SCN3A: variants seen among roughly 807,000 people sequenced by gnomAD.
SCN3A encodes the protein sodium voltage-gated channel alpha subunit 3.
In SCN3A, 60 loss-of-function variants were observed where a neutral mutation model predicts 187.6. The observed-to-expected ratio is 0.32, with a 90% confidence interval of 0.26 to 0.40. The LOEUF (loss-of-function observed/expected upper bound fraction) is 0.40. SCN3A is among the 10% of genes least tolerant of loss of function. The pLI is 1.00. For synonymous variants in SCN3A, 788 were observed against 829.2 expected (o/e 0.95, Z 0.85); for missense variants, 1,601 against 2,428.2 (o/e 0.66, Z 7.16).
intron 21 of SCN3A, among the ~76,000 whole-genome samples, chr2:165,105,807 C>T (rs924327668): frequency 7.9e-5 from 12 of 151,628 alleles, no homozygotes; most frequent in African/African-American, 2.4e-4. Context: ...GAGGTTACAG[C>T]GAGCTATGAT....
chr2:165,133,925 T>C (rs1687508289), intron 15 of SCN3A, among the ~76,000 whole-genome samples: 2 of 152,132 alleles, frequency 1.3e-5, no homozygotes, highest in Admixed American at 6.5e-5. Context: ...GTAAAAACCA[T>C]ATTTTGTTTT....
rs1470528744 is a variant in SCN3A, at chr2:165,112,975, G to A, written c.3753C>T (p.Phe1251=). 1 of 1,613,020 alleles carries A rather than the reference G, an allele frequency of 6.2e-7. No individual in the cohort carries two copies. The highest frequency in any genetic ancestry group is 8.5e-7 in the Non-Finnish European group (1 of 1,179,338). Residue 1251 remains phenylalanine (F), a synonymous_variant, in exon 21 of 28, where the codon TTC becomes TTT. Coordinates refer to ENST00000283254, the MANE Select transcript of SCN3A (RefSeq NM_006922.4). ...CCCATTTGAGAAGCATTTCCAGAAT[G>A]AATATATAGGTAAAGACTTTGTCAG... is the stretch of plus-strand genomic sequence containing the variant. ...EYADKVFTYI[F]ILEMLLKWVA...
intron 9 of SCN3A, 116 bp downstream of exon 9, chr2:165,162,192 C>T: frequency 1.1e-6 from 1 of 943,640 alleles, no homozygotes; most frequent in Non-Finnish European, 1.7e-6. Flanking sequence ...GGGAGCAGCA[C>T]TGCTCTTTAT....
At chr2:165,127,506 C>A in intron 18 of SCN3A, 125 bp downstream of exon 18, 1 of 764,526 alleles carries the variant, frequency 1.3e-6, no homozygotes, top group Non-Finnish European at 2.2e-6. Flanking sequence ...TTTCCAACAT[C>A]ACTATAGACA....
Position 165,129,949 on chromosome 2 carries a change from T to A in SCN3A, c.2913A>T (p.Gly971=). Reference sequence around the variant, plus strand: ...TGTACTACATACATACCACAAGGTTTCCAATGACCATGACCAACATGAAAA... The same window carrying A: ...TGTACTACATACATACCACAAGGTTACCAATGACCATGACCAACATGAAAA... ...LIVFMLVMVI[G]NLVVLNLFLA... Residue 971 remains glycine (G), a synonymous_variant, in exon 17 of 28, where the codon GGA becomes GGT. Coordinates refer to ENST00000283254, the MANE Select transcript of SCN3A (RefSeq NM_006922.4). The A allele has an allele frequency of 6.2e-7, 1 of 1,614,108 alleles. No individual in the cohort carries two copies. The highest frequency in any genetic ancestry group is 8.5e-7 in the Non-Finnish European group (1 of 1,179,960).
intron 18 of SCN3A, among the ~76,000 whole-genome samples, chr2:165,116,394 C>T (rs1054368423): frequency 1.3e-5 from 2 of 152,064 alleles, no homozygotes. Flanking sequence ...TGTAATATTA[C>T]AAGAATAAAT....
At chr2:165,173,134 A>C (rs1312112781) in intron 3 of SCN3A, among the ~76,000 whole-genome samples, 2 of 152,306 alleles carry the variant, frequency 1.3e-5, no homozygotes, top group Non-Finnish European at 2.9e-5. Context: ...ACATCTTATA[A>C]GTTTACTAAA....
At chr2:165,104,209 TGAA>T (rs1685741801) in intron 21 of SCN3A, among the ~76,000 whole-genome samples, 1 of 151,940 alleles carries the variant, frequency 6.6e-6, no homozygotes, top group African/African-American at 2.4e-5. Context: ...TAAAATTTTG[TGAA>T]GAAGAAAAGC....
chr2:165,097,327 G>T lies in SCN3A; in HGVS notation c.4164C>A (p.Gly1388=). 3.1e-6 allele frequency: 5 copies of T among 1,614,030 alleles called. No homozygotes were observed. The highest frequency in any genetic ancestry group is 4.2e-6 in the Non-Finnish European group (5 of 1,179,980). The change falls in exon 23 of 28, where the codon GGC becomes GGA. Residue 1388 remains glycine, a synonymous_variant. Transcript: ENST00000283254. The stretch of plus-strand genomic sequence containing the variant: ...TCACGTTTTTCCACCGAGCTTGCTT[G>T]CCAAGAGCCTGACAGTCACTCAAAT... ...VNNLSDCQAL[G]KQARWKNVKV... is the part of the protein sequence containing the mutation.
At chr2:165,155,723 T>C (rs762630268) in intron 10 of SCN3A, 39 bp downstream of exon 10, 3 of 1,611,744 alleles carry the variant, frequency 1.9e-6, no homozygotes, top group Non-Finnish European at 2.5e-6. Flanking sequence ...CATACATGTC[T>C]ATAAAAATAA....
chr2:165,162,276 C>G (rs1207881893), intron 9 of SCN3A, 32 bp downstream of exon 9: 1 of 1,576,416 alleles, frequency 6.3e-7, no homozygotes, highest in Non-Finnish European at 8.7e-7. Context: ...GCAAAGAGTT[C>G]TATATCTTAA....
At chr2:165,138,384 T>A (rs961426188) in intron 14 of SCN3A, among the ~76,000 whole-genome samples, 1 of 152,188 alleles carries the variant, frequency 6.6e-6, no homozygotes, top group Non-Finnish European at 1.5e-5. Context: ...TAGGTTATGA[T>A]TGATTAAAGT....
At chr2:165,114,572 C>G (rs1179080875) in intron 19 of SCN3A, among the ~76,000 whole-genome samples, 1 of 152,216 alleles carries the variant, frequency 6.6e-6, no homozygotes, top group East Asian at 1.9e-4. Flanking sequence ...CTCTGAGCTA[C>G]TACTCATCTG....
chr2:165,200,945 G>C (rs771089245), intron 1 of SCN3A, among the ~76,000 whole-genome samples: 1 of 152,082 alleles, frequency 6.6e-6, no homozygotes, highest in Non-Finnish European at 1.5e-5. Context: ...AAGCATTAGA[G>C]AGTTTGTGAG....
chr2:165,187,494 A>G (rs961068312), intron 1 of SCN3A, among the ~76,000 whole-genome samples: 6 of 152,244 alleles, frequency 3.9e-5, no homozygotes, highest in African/African-American at 1.4e-4. Context: ...CATAAGCCAA[A>G]CTAGTCATGA....
At chr2:165,163,972 T>C (rs1044653179) in intron 6 of SCN3A, 13 of 1,293,646 alleles carry the variant, frequency 1.0e-5, no homozygotes, top group African/African-American at 7.3e-5. Context: ...GTTTGGCACA[T>C]AGAGCCCTGT....
chr2:165,104,018 T>C (rs1685732797), intron 21 of SCN3A, among the ~76,000 whole-genome samples: 1 of 152,078 alleles, frequency 6.6e-6, no homozygotes, highest in African/African-American at 2.4e-5. Context: ...ATTGTTGTTA[T>C]CTTAAAAAAT....
At chr2:165,186,067 C>T (rs1691211973) in intron 2 of SCN3A, among the ~76,000 whole-genome samples, 1 of 151,968 alleles carries the variant, frequency 6.6e-6, no homozygotes, top group Non-Finnish European at 1.5e-5. Flanking sequence ...GTCAGGAGAT[C>T]GAGACCATCC....
intron 20 of SCN3A, 61 bp from the exon 21 acceptor site, chr2:165,113,119 A>C (rs991252453): frequency 1.5e-6 from 2 of 1,323,806 alleles, no homozygotes; most frequent in Non-Finnish European, 2.2e-6. Context: ...TATTTGAAAA[A>C]ATTGCTTAGT....
Sources: allele counts gnomAD v4.1 joint callset (sites outside exome capture counted in the v4.1 genomes callset), GRCh38; gene constraint gnomAD v4.1.1; transcripts MANE v1.5; gene names NCBI Gene and HGNC (gene_info 2026-07-23, HGNC 2026-07-21).